Variants in ISOC1 observed in about 807,000 individuals in gnomAD.
ISOC1 encodes isochorismatase domain containing 1.
Under a neutral mutation model 30.0 loss-of-function variants are expected in ISOC1, and 33 were observed. That is an observed-to-expected ratio of 1.10 (90% CI 0.83 to 1.47). The LOEUF is 1.47. Among genes scored for constraint, ISOC1 ranks in the 40% most tolerant of loss-of-function variants. ISOC1 has a pLI of 0.00. For synonymous variants in ISOC1, 178 were observed against 159.8 expected (o/e 1.11, Z -0.86); for missense variants, 372 against 388.0 (o/e 0.96, Z 0.35).
intron 1 of ISOC1, among the ~76,000 whole-genome samples, chr5:129,102,857 A>G (rs995210365): frequency 2.0e-5 from 3 of 152,212 alleles, no homozygotes; most frequent in African/African-American, 7.2e-5. Context: ...AATCCAGACA[A>G]TGAAACTTGT....
chr5:129,110,818 C>T (rs1425411231), intron 4 of ISOC1, among the ~76,000 whole-genome samples: 2 of 152,102 alleles, frequency 1.3e-5, no homozygotes, highest in African/African-American at 4.8e-5. Flanking sequence ...GGGAGATTAT[C>T]GAGAACTAAC....
At chr5:129,101,247 G>GCA (rs1280669772) in intron 1 of ISOC1, among the ~76,000 whole-genome samples, 1 of 135,076 alleles carries the variant, frequency 7.4e-6, no homozygotes, top group South Asian at 2.4e-4. Flanking sequence ...TGTAATCCCA[G>GCA]CACTTTGGGA....
intron 4 of ISOC1, among the ~76,000 whole-genome samples, chr5:129,112,515 G>A (rs752927063): frequency 2.0e-5 from 3 of 152,148 alleles, no homozygotes; most frequent in African/African-American, 7.2e-5. Context: ...TCAGTGATGG[G>A]CACGTAGTAA....
In ISOC1 at chr5:129,105,014, A is replaced by G; in HGVS notation, c.368A>G (p.Gln123Arg). ...SSTVFFCCDM[Q>R]ERFRPAIKYF... The stretch of plus-strand genomic sequence containing the variant: ...ACTGTGTTTTTCTGCTGTGATATGC[A>G]GGAAAGGTTCAGACCAGCCATCAAG... The change falls in exon 2 of 5, where the codon CAG becomes CGG. Residue 123 changes from glutamine to arginine, a missense_variant. By Grantham distance (43) the Gln-to-Arg change is conservative (BLOSUM62 1). Transcript: ENST00000173527. 3 of 1,613,870 alleles carry G rather than the reference A, an allele frequency of 1.9e-6. No homozygotes were observed. The highest frequency in any genetic ancestry group is 1.1e-5 in the South Asian group (1 of 91,082).
chr5:129,103,653 T>A (rs571577248), intron 1 of ISOC1, among the ~76,000 whole-genome samples: 33 of 152,290 alleles, frequency 2.2e-4, no homozygotes, highest in Admixed American at 3.3e-4. Flanking sequence ...AATGGTTAAT[T>A]TAATTCATGT....
At chr5:129,101,192 A>AAAAAAAAAAAATATAT (rs1554064627) in intron 1 of ISOC1, among the ~76,000 whole-genome samples, 3 of 42,228 alleles carry the variant, frequency 7.1e-5, no homozygotes, top group Non-Finnish European at 7.2e-5. Context: ...AAAAAAAAAA[A>AAAAAAAAAAAATATAT]ATATATATAT....
intron 1 of ISOC1, among the ~76,000 whole-genome samples, chr5:129,097,351 C>T (rs867218421): frequency 6.6e-6 from 1 of 151,840 alleles, no homozygotes; most frequent in African/African-American, 2.4e-5. Context: ...CTTCTGATAC[C>T]GATTTATGTC....
At chr5:129,108,131 C>G (rs1753660516) in intron 4 of ISOC1, among the ~76,000 whole-genome samples, 1 of 152,182 alleles carries the variant, frequency 6.6e-6, no homozygotes, top group Admixed American at 6.5e-5. Context: ...CTCCAGTGTT[C>G]TATGCACAGT....
At chr5:129,111,185 T>C (rs1437780595) in intron 4 of ISOC1, among the ~76,000 whole-genome samples, 1 of 152,128 alleles carries the variant, frequency 6.6e-6, no homozygotes, top group Non-Finnish European at 1.5e-5. Flanking sequence ...CTTAAAAAAA[T>C]ACTCAGAGAT....
intron 4 of ISOC1, among the ~76,000 whole-genome samples, chr5:129,111,020 G>A (rs1753699974): frequency 6.6e-6 from 1 of 152,142 alleles, no homozygotes; most frequent in African/African-American, 2.4e-5. Flanking sequence ...GACATTCAGT[G>A]CTGTTTTCAC....
chr5:129,103,072 G>C (rs1580787640), intron 1 of ISOC1, among the ~76,000 whole-genome samples: 1 of 152,108 alleles, frequency 6.6e-6, no homozygotes, highest in East Asian at 1.9e-4. Context: ...CTTGCATTAT[G>C]GTTATTTCAG....
intron 1 of ISOC1, among the ~76,000 whole-genome samples, chr5:129,104,476 A>G (rs1238034676): frequency 6.6e-6 from 1 of 152,146 alleles, no homozygotes; most frequent in Non-Finnish European, 1.5e-5. Flanking sequence ...TGGAAAATAT[A>G]GGAATGGTAT....
chr5:129,108,359 T>A (rs1434407549), intron 4 of ISOC1, among the ~76,000 whole-genome samples: 1 of 152,208 alleles, frequency 6.6e-6, no homozygotes, highest in Non-Finnish European at 1.5e-5. Context: ...TCTCTGTTAT[T>A]GCTGAAGCAG....
rs537272525 is a variant in ISOC1 at position 129,104,643 on chromosome 5, CT to C, written c.310-310del. ...TATTTTTCCATGGATGGTATGAATT[CT>C]TTGAAGACATATACATATGTTTTTT... On this transcript the variant is annotated intron_variant, in intron 1 of 4. Transcript: ENST00000173527. Among the ~76,000 whole-genome samples, 552 of 152,040 alleles carry C rather than the reference CT, an allele frequency of 3.6e-3. 5 individuals are homozygous for C. The highest frequency in any genetic ancestry group is 0.013 in the African/African-American group (529 of 41,482).
intron 3 of ISOC1, among the ~76,000 whole-genome samples, chr5:129,106,292 C>T (rs1753636989): frequency 1.3e-5 from 2 of 152,166 alleles, no homozygotes; most frequent in Non-Finnish European, 2.9e-5. Context: ...GACGTGGCAT[C>T]ATTGAAATGT....
chr5:129,106,788 G>A (rs1211866274), intron 3 of ISOC1, among the ~76,000 whole-genome samples, 158 bp from the exon 4 acceptor site: 1 of 152,182 alleles, frequency 6.6e-6, no homozygotes, highest in Non-Finnish European at 1.5e-5. Context: ...ACTGTTTTAT[G>A]CTCCAGATTA....
At chr5:129,095,756 A>G (rs950221056) in intron 1 of ISOC1, among the ~76,000 whole-genome samples, 6 of 152,126 alleles carry the variant, frequency 3.9e-5, no homozygotes, top group African/African-American at 1.4e-4. Context: ...CTTAAGCTAG[A>G]CCTTGAGTTC....
At chr5:129,095,579 A>G (rs1393270249) in intron 1 of ISOC1, among the ~76,000 whole-genome samples, 6 of 152,240 alleles carry the variant, frequency 3.9e-5, no homozygotes, top group African/African-American at 1.2e-4. Context: ...CCGCCTTCCC[A>G]GGCTCTCAGG....
At position 129,107,029 on chromosome 5, in the gene ISOC1, A is replaced by G. The variant is rs775727796; in HGVS notation, c.717A>G (p.Ser239=). Residue 239 remains serine, a synonymous_variant, in exon 4 of 5, where the codon TCA becomes TCG. Coordinates refer to ENST00000173527, the MANE Select transcript of ISOC1 (RefSeq NM_016048.2). ...ACATTGTTGCTGATGCCACCTCATC[A>G]AGAAGCATGATGGACAGGATGTTTG... ...EVHIVADATS[S]RSMMDRMFAL... 6.2e-7 allele frequency: 1 copy of G among 1,613,792 alleles called. No homozygotes were observed. The highest frequency in any genetic ancestry group is 1.1e-5 in the South Asian group (1 of 91,076).
Sources: allele counts gnomAD v4.1 joint callset (sites outside exome capture counted in the v4.1 genomes callset), GRCh38; gene constraint gnomAD v4.1.1; transcripts MANE v1.5; gene names NCBI Gene and HGNC (gene_info 2026-07-23, HGNC 2026-07-21).